Variants in ARL6IP1 observed in about 807,000 individuals in gnomAD.
ARL6IP1 encodes the protein ADP-ribosylation factor-like protein 6-interacting protein 1.
Under a neutral mutation model 30.1 loss-of-function variants are expected in ARL6IP1, and 16 were observed. The ratio of observed to expected loss-of-function variants is 0.53; its 90% CI spans 0.36 to 0.81. ARL6IP1 has a LOEUF of 0.81. Ranked by LOEUF, ARL6IP1 falls within the 30% of genes least tolerant of loss-of-function variation. ARL6IP1 has a pLI of 0.01. For synonymous variants in ARL6IP1, 72 were observed against 84.8 expected, an observed-to-expected ratio of 0.85 and a Z score of 0.83; for missense variants, 173 against 242.7, an observed-to-expected ratio of 0.71 and a Z score of 1.91.
rs2030077234 is a variant in ARL6IP1 at position 18,791,812 on chromosome 16, A to G, written c.*1440T>C. 1 of 152,576 alleles carries G rather than the reference A, an allele frequency of 6.6e-6. No homozygotes were observed. Among genetic ancestry groups the G allele is most frequent in the South Asian group, 2.1e-4 (1 of 4,832 alleles). The allele number at this position is 152,576 out of a possible 1,614,324, so 9.5% of individuals were successfully genotyped here. A position where few individuals can be genotyped will look rare whatever the true frequency, so the allele number is the denominator to read the frequency against. ...AGATAGGAAGACAGGCTTATTTACAATGAAAGTAAGGTAAAATTAACGTAG... is the reference window on the plus strand; with the variant it reads ...AGATAGGAAGACAGGCTTATTTACAGTGAAAGTAAGGTAAAATTAACGTAG... On this transcript the variant is annotated 3_prime_UTR_variant, in exon 6 of 6. Coordinates refer to ENST00000304414, the MANE Select transcript of ARL6IP1 (RefSeq NM_015161.3).
At position 18,794,582 on chromosome 16, in the gene ARL6IP1, T is replaced by C. The variant is rs767941357; in HGVS notation, c.493+17A>G. ...CACTGGCCAGGATGTGCCTGTAGTT[T>C]TTCCTCAAAGACTTACCTATCAGGT... On this transcript the variant is annotated intron_variant, in intron 5 of 5. Transcript: ENST00000304414. 12 of 1,605,718 alleles carry C rather than the reference T, an allele frequency of 7.5e-6. No homozygotes were observed. The highest frequency in any genetic ancestry group is 1.1e-5 in the South Asian group (1 of 90,522).
At chr16:18,794,754 T>C in intron 4 of ARL6IP1, 71 bp from the exon 5 acceptor site, 2 of 1,104,258 alleles carry the variant, frequency 1.8e-6, no homozygotes, top group Non-Finnish European at 2.7e-6. Context: ...TTTTTATTTG[T>C]CAATTAAAGA....
rs370377390 is a variant in ARL6IP1, at chr16:18,793,206, C to T, written c.*46G>A. Reference sequence around the variant, plus strand: ...CAGATAGTACAGCAGAAACGGTTCCCGGGGCAATGGGTGCTGCATTAATCA... The same window carrying T: ...CAGATAGTACAGCAGAAACGGTTCCTGGGGCAATGGGTGCTGCATTAATCA... On this transcript the variant is annotated 3_prime_UTR_variant, in exon 6 of 6. Coordinates refer to ENST00000304414, the MANE Select transcript of ARL6IP1 (RefSeq NM_015161.3). 24 of 1,307,122 alleles carry T rather than the reference C, an allele frequency of 1.8e-5. No individual in the cohort carries two copies. The Admixed American group carries it at 1.9e-4, about 10-fold the overall frequency. 81.0% of individuals were successfully genotyped at this position (1,307,122 alleles called of 1,614,324 possible).
chr16:18,798,393 T>G (rs1161264254), intron 2 of ARL6IP1: 6 of 325,492 alleles, frequency 1.8e-5, no homozygotes, highest in African/African-American at 1.3e-4. Context: ...TATATACCTA[T>G]GTAACAAACC....
intron 1 of ARL6IP1, among the ~76,000 whole-genome samples, chr16:18,800,928 G>A (rs2030387670): frequency 6.6e-6 from 1 of 151,696 alleles, no homozygotes; most frequent in Non-Finnish European, 1.5e-5. Context: ...GGTTCCCCAC[G>A]GTGAGCTCGC....
intron 5 of ARL6IP1, 74 bp from the exon 6 acceptor site, chr16:18,793,444 T>C (rs1189703600): frequency 1.1e-6 from 1 of 930,352 alleles, no homozygotes; most frequent in Non-Finnish European, 1.6e-6. Context: ...TTTTTTTTTT[T>C]TTTTGAGACA....
intron 1 of ARL6IP1, among the ~76,000 whole-genome samples, chr16:18,799,239 G>T (rs111566807): frequency 1.6e-4 from 25 of 152,184 alleles, no homozygotes; most frequent in African/African-American, 5.8e-4. Context: ...CTCAAACTCT[G>T]GACCTCAAGT....
intron 4 of ARL6IP1, chr16:18,795,184 C>A: frequency 3.6e-6 from 1 of 276,930 alleles, no homozygotes; most frequent in Non-Finnish European, 7.0e-6. Flanking sequence ...AGCCACTGTG[C>A]CCGGCCTAAA....
chr16:18,793,242 A>C lies in ARL6IP1; in HGVS notation c.*10T>G. The stretch of plus-strand genomic sequence containing the variant: ...GTGCTGCATTAATCACACTGATTAA[A>C]GCAGATGAATCATTCGTTTTTCTTT... On this transcript the variant is annotated 3_prime_UTR_variant, in exon 6 of 6. Coordinates refer to ENST00000304414, the MANE Select transcript of ARL6IP1 (RefSeq NM_015161.3). 6.5e-7 allele frequency: 1 copy of C among 1,542,908 alleles called. No homozygotes were observed. Among genetic ancestry groups the C allele is most frequent in the Non-Finnish European group, 8.9e-7 (1 of 1,117,392 alleles).
At chr16:18,799,478 G>A (rs1330949563) in intron 1 of ARL6IP1, among the ~76,000 whole-genome samples, 1 of 152,192 alleles carries the variant, frequency 6.6e-6, no homozygotes, top group Admixed American at 6.5e-5. Flanking sequence ...GTCATGCGGG[G>A]AATCGTGGCA....
intron 4 of ARL6IP1, 71 bp downstream of exon 4, chr16:18,795,393 A>G (rs1343037723): frequency 3.8e-6 from 4 of 1,063,836 alleles, no homozygotes; most frequent in African/African-American, 1.6e-5. Flanking sequence ...AATTATAGCT[A>G]TTAAGACAAA....
intron 5 of ARL6IP1, among the ~76,000 whole-genome samples, chr16:18,794,015 G>C (rs560597712): frequency 2.0e-5 from 3 of 152,212 alleles, no homozygotes; most frequent in Admixed American, 1.3e-4. Context: ...GCAGTGGTGT[G>C]ATCTCAGCTC....
At position 18,792,012 on chromosome 16, in the gene ARL6IP1, A is replaced by G. The variant is rs1328229305; in HGVS notation, c.*1240T>C. ...ATATTACAGCTAGTTAATCAGTTTAAGAATTGTTCCCGTCAGTCACATTTT... is the reference window on the plus strand; with the variant it reads ...ATATTACAGCTAGTTAATCAGTTTAGGAATTGTTCCCGTCAGTCACATTTT... On this transcript the variant is annotated 3_prime_UTR_variant, in exon 6 of 6. Transcript: ENST00000304414. The G allele has an allele frequency of 1.3e-5, 2 of 152,680 alleles. No individual in the cohort carries two copies. Among genetic ancestry groups the G allele is most frequent in the Non-Finnish European group, 2.9e-5 (2 of 68,052 alleles). 9.5% of individuals were successfully genotyped at this position (152,680 alleles called of 1,614,324 possible).
intron 5 of ARL6IP1, 83 bp downstream of exon 5, chr16:18,794,516 G>T: frequency 1.1e-6 from 1 of 937,524 alleles, no homozygotes; most frequent in Non-Finnish European, 1.7e-6. Context: ...TAAAACTTAG[G>T]AAGTATTCAG....
intron 1 of ARL6IP1, among the ~76,000 whole-genome samples, chr16:18,800,663 C>T (rs1485968409): frequency 6.6e-6 from 1 of 152,158 alleles, no homozygotes; most frequent in Admixed American, 6.5e-5. Flanking sequence ...TGGTATGTGA[C>T]CTACAGTCAC....
chr16:18,794,738 A>G, intron 4 of ARL6IP1, 55 bp from the exon 5 acceptor site: 2 of 1,239,548 alleles, frequency 1.6e-6, no homozygotes, highest in Non-Finnish European at 2.3e-6. Flanking sequence ...CCATAAATAT[A>G]TGTAATTTTT....
At chr16:18,801,390 G>A in intron 1 of ARL6IP1, 41 bp downstream of exon 1, 1 of 1,609,686 alleles carries the variant, frequency 6.2e-7, no homozygotes, top group Middle Eastern at 1.7e-4. Flanking sequence ...GACGTCTGGA[G>A]GCCTCGCTCG....
intron 3 of ARL6IP1, among the ~76,000 whole-genome samples, chr16:18,797,379 C>G (rs1163406425): frequency 2.2e-5 from 3 of 136,866 alleles, no homozygotes; most frequent in Non-Finnish European, 4.7e-5. Context: ...GAGCCTCCAT[C>G]TCAAAAAAAA....
intron 3 of ARL6IP1, among the ~76,000 whole-genome samples, chr16:18,795,882 C>G (rs758116500): frequency 2.0e-5 from 3 of 152,130 alleles, no homozygotes; most frequent in Non-Finnish European, 2.9e-5. Context: ...AGACTCATGA[C>G]TTCTATGGGC....
Sources: gnomAD v4.1 joint callset for allele counts (sites outside exome capture counted in the v4.1 genomes callset) on GRCh38, gnomAD v4.1.1 for gene constraint, MANE v1.5 for transcripts, NCBI Gene and HGNC (gene_info 2026-07-23, HGNC 2026-07-21) for gene names.